PFKFB1: variants seen among roughly 807,000 people sequenced by gnomAD.
The protein encoded by PFKFB1 is 6-phosphofructo-2-kinase/fructose-2,6-bisphosphatase 1.
Under a neutral mutation model 46.4 loss-of-function variants are expected in PFKFB1, and 34 were observed. The ratio of observed to expected loss-of-function variants is 0.73; its 90% CI spans 0.56 to 0.98. The LOEUF (loss-of-function observed/expected upper bound fraction) is 0.98. PFKFB1 is among the 50% of genes least tolerant of loss of function. The probability of loss-of-function intolerance (pLI) is 0.00; values close to 1 mark genes in which losing one functional copy is unlikely to be tolerated. For synonymous variants in PFKFB1, 119 were observed against 133.8 expected, an observed-to-expected ratio of 0.89 and a Z score of 0.76; for missense variants, 393 against 376.3, an observed-to-expected ratio of 1.04 and a Z score of -0.37.
rs1206251665 is a variant in PFKFB1 at position 54,933,802 on chromosome X, C to A, written c.1356+19G>T. The stretch of plus-strand genomic sequence containing the variant: ...TGCTGTGTCCACAGCCAGCTTGGGC[C>A]ATGGAGTCCCCCACCTACCTCAGGC... On this transcript the variant is annotated intron_variant, in intron 13 of 13. Coordinates refer to ENST00000375006, the MANE Select transcript of PFKFB1 (RefSeq NM_002625.4). 2.5e-5 allele frequency: 30 copies of A among 1,191,027 alleles called. No individual in the cohort carries two copies. Among genetic ancestry groups the A allele is most frequent in the Non-Finnish European group, 3.3e-5 (29 of 876,969 alleles).
At chrX:54,983,492 A>T (rs1163318139) in intron 1 of PFKFB1, among the ~76,000 whole-genome samples, 1 of 112,095 alleles carries the variant, frequency 8.9e-6, no homozygotes. Flanking sequence ...TGCAAAGGAC[A>T]TGATGTCATT....
chrX:54,994,896 G>T (rs1369864871), upstream of PFKFB1: 2 of 742,425 alleles, frequency 2.7e-6, no homozygotes, highest in East Asian at 3.0e-4. Flanking sequence ...TGGGGGAATG[G>T]TAAGCTCTGC....
intron 9 of PFKFB1, among the ~76,000 whole-genome samples, chrX:54,948,827 GC>G (rs1375073516): frequency 2.7e-5 from 3 of 111,718 alleles, no homozygotes; most frequent in Non-Finnish European, 5.6e-5. Flanking sequence ...TCCTCTCATA[GC>G]CCTTTGTCAC....
chrX:54,960,788 G>T, intron 3 of PFKFB1, 36 bp downstream of exon 3: 1 of 952,178 alleles, frequency 1.1e-6, no homozygotes, highest in South Asian at 1.9e-5. Context: ...TTTCAGCCAT[G>T]AGACAGCACA....
At chrX:54,975,171 C>G (rs1316352825) in intron 1 of PFKFB1, among the ~76,000 whole-genome samples, 1 of 111,405 alleles carries the variant, frequency 9.0e-6, no homozygotes, top group African/African-American at 3.3e-5. Flanking sequence ...TATAGCAGCA[C>G]ACTTCACAAT....
chrX:54,964,459 A>T (rs992187235), intron 1 of PFKFB1, among the ~76,000 whole-genome samples: 2 of 112,547 alleles, frequency 1.8e-5, no homozygotes, highest in Non-Finnish European at 3.8e-5. Context: ...AAAAGCAATC[A>T]TTAGGACCAG....
intron 8 of PFKFB1, among the ~76,000 whole-genome samples, chrX:54,950,875 G>T (rs1933950924): frequency 8.9e-6 from 1 of 112,732 alleles, no homozygotes; most frequent in Non-Finnish European, 1.9e-5. Context: ...GCTGAGGGCA[G>T]GCCAGTAGGC....
chrX:54,994,793 C>T (rs1476466205), upstream of PFKFB1: 2 of 749,899 alleles, frequency 2.7e-6, no homozygotes, highest in East Asian at 1.5e-4. Context: ...GGGCACTATC[C>T]GATCATCTTT....
chrX:54,998,503 A>G, upstream of PFKFB1: 1 of 954,339 alleles, frequency 1.0e-6, no homozygotes, highest in South Asian at 2.1e-5. Flanking sequence ...GGTGGCATCA[A>G]AGAGGAAGCC....
At chrX:54,938,805 C>T (rs1018831237) in intron 10 of PFKFB1, among the ~76,000 whole-genome samples, 13 of 111,336 alleles carry the variant, frequency 1.2e-4, no homozygotes, top group Admixed American at 6.7e-4. Context: ...GACTTTAACA[C>T]CCACTGTCAA....
intron 9 of PFKFB1, among the ~76,000 whole-genome samples, chrX:54,948,203 A>T (rs1175164376): frequency 9.0e-6 from 1 of 111,399 alleles, no homozygotes; most frequent in African/African-American, 3.3e-5. Context: ...GATTATAGGT[A>T]TGAGCCACTG....
At chrX:54,980,270 G>A (rs1311532065) in intron 1 of PFKFB1, among the ~76,000 whole-genome samples, 2 of 110,923 alleles carry the variant, frequency 1.8e-5, no homozygotes, top group Non-Finnish European at 3.8e-5. Context: ...CACAGTAGTT[G>A]ACACAATAAT....
At chrX:54,940,924 G>A (rs777289680) in intron 10 of PFKFB1, among the ~76,000 whole-genome samples, 6 of 111,508 alleles carry the variant, frequency 5.4e-5, no homozygotes, top group East Asian at 2.8e-4. Flanking sequence ...AAAAGGGCCC[G>A]CATCGCCAAG....
intron 6 of PFKFB1, among the ~76,000 whole-genome samples, chrX:54,957,652 G>A (rs929581531): frequency 3.1e-4 from 35 of 111,314 alleles, no homozygotes; most frequent in African/African-American, 1.1e-3. Context: ...TGACTGGACC[G>A]CATTTGTTGA....
At chrX:54,940,226 T>C (rs1256601750) in intron 10 of PFKFB1, among the ~76,000 whole-genome samples, 3 of 111,823 alleles carry the variant, frequency 2.7e-5, no homozygotes, top group Non-Finnish European at 5.6e-5. Flanking sequence ...AAATTAGGTA[T>C]TGATGGGACG....
intron 12 of PFKFB1, among the ~76,000 whole-genome samples, chrX:54,934,644 G>A (rs1175037693): frequency 8.9e-6 from 1 of 112,086 alleles, no homozygotes; most frequent in Non-Finnish European, 1.9e-5. Flanking sequence ...CTCCAATACG[G>A]CCCTAACCTA....
intron 9 of PFKFB1, among the ~76,000 whole-genome samples, chrX:54,947,836 T>C (rs1933848564): frequency 9.0e-6 from 1 of 111,078 alleles, no homozygotes; most frequent in South Asian, 3.8e-4. Flanking sequence ...GAAGAGAGAC[T>C]GCTATACCAC....
chrX:54,998,294 C>T (rs963859253), upstream of PFKFB1: 2 of 586,928 alleles, frequency 3.4e-6, no homozygotes, highest in Non-Finnish European at 5.6e-6. Flanking sequence ...TTCCCATGCC[C>T]TTTAATGCAC....
intron 1 of PFKFB1, among the ~76,000 whole-genome samples, chrX:54,986,345 C>T (rs1342623122): frequency 8.9e-6 from 1 of 111,952 alleles, no homozygotes; most frequent in Non-Finnish European, 1.9e-5. Flanking sequence ...AGTAAAATAA[C>T]GTAAGTAATA....
Sources: allele counts gnomAD v4.1 joint callset (sites outside exome capture counted in the v4.1 genomes callset), GRCh38; gene constraint gnomAD v4.1.1; transcripts MANE v1.5; gene names NCBI Gene and HGNC (gene_info 2026-07-23, HGNC 2026-07-21).